The following FOXN3 variants were observed in gnomAD, a reference collection of about 807,000 sequenced individuals.
FOXN3 encodes forkhead box N3.
Under a neutral mutation model 38.4 loss-of-function variants are expected in FOXN3, and 7 were observed. The observed-to-expected ratio is 0.18, with a 90% CI of 0.10 to 0.34. FOXN3 has a LOEUF of 0.34. Among genes scored for constraint, FOXN3 ranks in the 10% least tolerant of loss-of-function variants. FOXN3 has a pLI of 1.00. For synonymous variants in FOXN3, 230 were observed against 242.2 expected, an observed-to-expected ratio of 0.95 and a Z score of 0.47; for missense variants, 456 against 613.4, an observed-to-expected ratio of 0.74 and a Z score of 2.71.
chr14:89,492,175 C>G (rs1893589298), intron 1 of FOXN3, among the ~76,000 whole-genome samples: 1 of 152,216 alleles, frequency 6.6e-6, no homozygotes, highest in East Asian at 1.9e-4. Context: ...GTCCTTCAAA[C>G]ACAATAACAG....
chr14:89,562,888 G>A (rs1596318521), intron 1 of FOXN3, among the ~76,000 whole-genome samples: 1 of 152,148 alleles, frequency 6.6e-6, no homozygotes. Context: ...AATCAACACT[G>A]CTGTCAGAGA....
chr14:89,410,559 C>T (rs534402507), intron 2 of FOXN3, among the ~76,000 whole-genome samples: 38 of 152,284 alleles, frequency 2.5e-4, no homozygotes, highest in African/African-American at 7.9e-4. Context: ...CCAATTTCTA[C>T]GAAACCTATT....
At chr14:89,559,459 C>A (rs938599666) in intron 1 of FOXN3, among the ~76,000 whole-genome samples, 1 of 152,112 alleles carries the variant, frequency 6.6e-6, no homozygotes. Context: ...GGGCAGATCA[C>A]CAGGTCGGGA....
intron 2 of FOXN3, among the ~76,000 whole-genome samples, chr14:89,381,773 T>C (rs1191873343): frequency 1.3e-5 from 2 of 151,370 alleles, no homozygotes; most frequent in African/African-American, 4.9e-5. Context: ...GATGGGAGGA[T>C]CTCTGGAGTC....
At chr14:89,207,589 G>C (rs939923367) in intron 4 of FOXN3, among the ~76,000 whole-genome samples, 6 of 152,222 alleles carry the variant, frequency 3.9e-5, no homozygotes, top group African/African-American at 1.4e-4. Context: ...GACAGGGGCA[G>C]ATGAAATAAA....
chr14:89,363,921 G>C (rs139196038), intron 2 of FOXN3, among the ~76,000 whole-genome samples: 2,580 of 141,504 alleles, frequency 0.018, 88 homozygotes, highest in African/African-American at 0.069. Flanking sequence ...TCCAGCCTGG[G>C]TAACTGAGCA....
At chr14:89,172,178 T>G (rs1887406933) in intron 5 of FOXN3, among the ~76,000 whole-genome samples, 1 of 152,188 alleles carries the variant, frequency 6.6e-6, no homozygotes, top group African/African-American at 2.4e-5. Flanking sequence ...AAAAAAATCA[T>G]AAAGCTACAA....
chr14:89,360,311 A>G (rs1889416067), intron 2 of FOXN3, among the ~76,000 whole-genome samples: 2 of 139,460 alleles, frequency 1.4e-5, no homozygotes, highest in African/African-American at 2.6e-5. Flanking sequence ...GGAGAGAGAG[A>G]GGGGAAGAAA....
chr14:89,374,050 G>C (rs907795084), intron 2 of FOXN3, among the ~76,000 whole-genome samples: 3 of 151,962 alleles, frequency 2.0e-5, no homozygotes, highest in Non-Finnish European at 4.4e-5. Flanking sequence ...AGGATTGCTT[G>C]AACCCAGGAG....
At chr14:89,447,866 G>A (rs1892537802) in intron 1 of FOXN3, among the ~76,000 whole-genome samples, 1 of 126,870 alleles carries the variant, frequency 7.9e-6, no homozygotes, top group Admixed American at 1.0e-4. Context: ...TGCCCAAGCT[G>A]GAGTGCAATG....
At chr14:89,207,096 C>A (rs997482850) in intron 4 of FOXN3, among the ~76,000 whole-genome samples, 3 of 152,180 alleles carry the variant, frequency 2.0e-5, no homozygotes, top group South Asian at 4.2e-4. Context: ...TAGCAGGCAC[C>A]TGTAATCCCC....
At chr14:89,407,469 T>G (rs1891422811) in intron 2 of FOXN3, among the ~76,000 whole-genome samples, 1 of 152,252 alleles carries the variant, frequency 6.6e-6, no homozygotes, top group African/African-American at 2.4e-5. Flanking sequence ...ATGGTTGTTA[T>G]GTAAGAAACC....
intron 4 of FOXN3, among the ~76,000 whole-genome samples, chr14:89,260,060 G>A (rs1596137639): frequency 6.6e-6 from 1 of 152,154 alleles, no homozygotes; most frequent in Non-Finnish European, 1.5e-5. Flanking sequence ...CTGCAGCCTC[G>A]TGTCGGGCAG....
At chr14:89,446,264 C>G (rs1247226499) in intron 1 of FOXN3, among the ~76,000 whole-genome samples, 1 of 137,938 alleles carries the variant, frequency 7.2e-6, no homozygotes. Context: ...TCTCGGCTCA[C>G]TGCAACCTCC....
intron 4 of FOXN3, among the ~76,000 whole-genome samples, chr14:89,241,934 GT>G (rs1220251581): frequency 6.6e-6 from 1 of 152,150 alleles, no homozygotes; most frequent in African/African-American, 2.4e-5. Flanking sequence ...TGGCTACCAC[GT>G]TTTTTCTCCA....
intron 4 of FOXN3, among the ~76,000 whole-genome samples, chr14:89,254,754 G>T (rs548167275): frequency 3.3e-5 from 5 of 152,068 alleles, no homozygotes; most frequent in African/African-American, 1.2e-4. Flanking sequence ...CTGAACACTC[G>T]TCTCCTCCAT....
At chr14:89,523,947 C>T (rs1002109965) in intron 1 of FOXN3, among the ~76,000 whole-genome samples, 1 of 151,500 alleles carries the variant, frequency 6.6e-6, no homozygotes, top group Non-Finnish European at 1.5e-5. Flanking sequence ...ATTTTTAGTA[C>T]AGACGGGGTT....
rs142058333 is a variant in FOXN3 at position 89,260,065 on chromosome 14, G to A, written c.745+20885C>T. On this transcript the variant is annotated intron_variant, in intron 4 of 5. Transcript: ENST00000557258. Reference sequence around the variant, plus strand: ...TAGTGGAAGTCTGCAGCCTCGTGTCGGGCAGTGTGAATGGATCATTTAGAA... The same window carrying A: ...TAGTGGAAGTCTGCAGCCTCGTGTCAGGCAGTGTGAATGGATCATTTAGAA... Among the ~76,000 whole-genome samples, 1,488 of 152,210 alleles carry A rather than the reference G, an allele frequency of 9.8e-3. 21 individuals are homozygous for A. Among genetic ancestry groups the A allele is most frequent in the African/African-American group, 0.034 (1,407 of 41,498 alleles).
intron 1 of FOXN3, among the ~76,000 whole-genome samples, chr14:89,474,325 A>G (rs954585706): frequency 2.0e-5 from 3 of 152,208 alleles, no homozygotes; most frequent in Admixed American, 1.3e-4. Flanking sequence ...CCAATTGGCT[A>G]TCAAAGCCAA....
Sources: gnomAD v4.1 joint callset for allele counts (sites outside exome capture counted in the v4.1 genomes callset) on GRCh38, gnomAD v4.1.1 for gene constraint, MANE v1.5 for transcripts, NCBI Gene and HGNC (gene_info 2026-07-23, HGNC 2026-07-21) for gene names.